The following CLEC16A variants were observed in gnomAD, a reference collection of about 807,000 sequenced individuals.
CLEC16A encodes C-type lectin domain containing 16A.
CLEC16A carries 51 observed loss-of-function variants against 109.5 expected under a neutral mutation model. The observed-to-expected ratio is 0.47, with a 90% CI of 0.37 to 0.59. The LOEUF is 0.59. Among genes scored for constraint, CLEC16A ranks in the 20% least tolerant of loss-of-function variants. CLEC16A has a pLI of 0.00. For synonymous variants in CLEC16A, 673 were observed against 564.2 expected (o/e 1.19, Z -2.73); for missense variants, 1,339 against 1,394.0 (o/e 0.96, Z 0.63).
intron 19 of CLEC16A, among the ~76,000 whole-genome samples, chr16:11,086,618 C>G (rs756594993): frequency 6.6e-6 from 1 of 152,182 alleles, no homozygotes; most frequent in South Asian, 2.1e-4. Flanking sequence ...TCTCTGCTCA[C>G]TGCAACCTCC....
At position 11,178,627 on chromosome 16, in the gene CLEC16A, C is replaced by T; in HGVS notation, c.3099C>T (p.Ala1033=). ...GMPPLSTPAA[A]CTEPVGEEAA... ...CCCCGCTGTCCACGCCGGCTGCCGC[C>T]TGCACAGAGCCCGTGGGCGAAGAGG... is the stretch of plus-strand genomic sequence containing the variant. Residue 1033 remains alanine, a synonymous_variant, in exon 24 of 24, where the codon GCC becomes GCT. Transcript: ENST00000409790. The surrounding 1 kb of genome is among the most constrained non-coding windows in gnomAD (Gnocchi z 6.5). 6.3e-7 allele frequency: 1 copy of T among 1,596,228 alleles called. No individual in the cohort carries two copies. The highest frequency in any genetic ancestry group is 8.5e-7 in the Non-Finnish European group (1 of 1,175,058).
intron 3 of CLEC16A, among the ~76,000 whole-genome samples, chr16:10,965,342 A>G (rs1013212158): frequency 2.0e-5 from 3 of 152,264 alleles, no homozygotes; most frequent in Admixed American, 2.0e-4. Context: ...TTCTAATCAC[A>G]GAAGAAAAAA....
At chr16:11,038,772 C>T (rs2047162332) in intron 13 of CLEC16A, among the ~76,000 whole-genome samples, 1 of 151,964 alleles carries the variant, frequency 6.6e-6, no homozygotes, top group Non-Finnish European at 1.5e-5. Context: ...AAAGTAATTG[C>T]GGTGTTCCAA....
At chr16:11,049,514 CAT>C (rs2047823125) in intron 17 of CLEC16A, among the ~76,000 whole-genome samples, 1 of 148,182 alleles carries the variant, frequency 6.7e-6, no homozygotes, top group African/African-American at 2.7e-5. Flanking sequence ...TTTAATCAAA[CAT>C]GTATTGTGTG....
chr16:11,070,026 G>T (rs1340075356), intron 19 of CLEC16A, among the ~76,000 whole-genome samples: 1 of 151,870 alleles, frequency 6.6e-6, no homozygotes, highest in African/African-American at 2.4e-5. Context: ...TTGTCAGGAT[G>T]TTACCTTCTC....
intron 19 of CLEC16A, among the ~76,000 whole-genome samples, chr16:11,117,373 G>C (rs1245765904): frequency 2.0e-5 from 3 of 152,118 alleles, no homozygotes; most frequent in African/African-American, 7.2e-5. Context: ...CTTCTAATCA[G>C]AGGCTTCTGT....
intron 3 of CLEC16A, among the ~76,000 whole-genome samples, chr16:10,966,774 G>C (rs934693326): frequency 9.9e-5 from 15 of 152,168 alleles, no homozygotes; most frequent in African/African-American, 3.6e-4. Context: ...CACGAGAACA[G>C]GATGGGGGAA....
intron 19 of CLEC16A, among the ~76,000 whole-genome samples, chr16:11,098,221 C>T (rs2050716500): frequency 6.6e-6 from 1 of 152,220 alleles, no homozygotes; most frequent in Non-Finnish European, 1.5e-5. Context: ...TCAGTGCCCA[C>T]CCCTCAACAG....
intron 23 of CLEC16A, among the ~76,000 whole-genome samples, chr16:11,173,764 G>A (rs545424581): frequency 6.6e-6 from 1 of 152,214 alleles, no homozygotes; most frequent in African/African-American, 2.4e-5. Flanking sequence ...CCTGACTCCT[G>A]GGCCATGTCT....
At chr16:11,067,569 G>A (rs1345071600) in intron 19 of CLEC16A, among the ~76,000 whole-genome samples, 1 of 152,184 alleles carries the variant, frequency 6.6e-6, no homozygotes, top group Non-Finnish European at 1.5e-5. Flanking sequence ...AGGAAGCCAT[G>A]CAGGCCCTGT....
chr16:11,021,713 C>A (rs2046110225), intron 12 of CLEC16A, among the ~76,000 whole-genome samples: 1 of 152,150 alleles, frequency 6.6e-6, no homozygotes, highest in African/African-American at 2.4e-5. Flanking sequence ...TGGGAGATTG[C>A]TTGAGCCAGA....
At chr16:11,039,955 G>A in intron 14 of CLEC16A, 79 bp downstream of exon 14, 3 of 1,517,364 alleles carry the variant, frequency 2.0e-6, no homozygotes, top group Non-Finnish European at 2.7e-6. Context: ...TGAGCCCTGG[G>A]TGCTAGGCCT....
Position 11,158,045 on chromosome 16 carries a change from C to T in CLEC16A, c.2642-8343C>T, listed in dbSNP as rs563436857. Among the ~76,000 whole-genome samples the T allele has an allele frequency of 3.9e-5, 6 of 152,302 alleles. No individual in the cohort carries two copies. The East Asian group carries it at 1.2e-3, about 29-fold the overall frequency. On this transcript the variant is annotated intron_variant, in intron 22 of 23. Coordinates refer to ENST00000409790, the MANE Select transcript of CLEC16A (RefSeq NM_015226.3). ...CCAGACTTAGTCACCTCCCAGCCCC[C>T]CATCTCTCGCCCCAGGGACCTGGCA... is the stretch of plus-strand genomic sequence containing the variant.
At chr16:11,013,484 G>A (rs1018505982) in intron 11 of CLEC16A, among the ~76,000 whole-genome samples, 43 of 152,124 alleles carry the variant, frequency 2.8e-4, no homozygotes, top group African/African-American at 1.0e-3. Context: ...CAAAAATGAG[G>A]CCAGGTGTGC....
At chr16:10,971,820 T>G (rs2042804771) in intron 5 of CLEC16A, among the ~76,000 whole-genome samples, 1 of 152,262 alleles carries the variant, frequency 6.6e-6, no homozygotes, top group African/African-American at 2.4e-5. Context: ...GAACTGGAAT[T>G]GCCCTTCCAA....
chr16:11,166,403 A>G lies in CLEC16A; in HGVS notation c.2657A>G (p.Gln886Arg), dbSNP rs753630326. 6.2e-7 allele frequency: 1 copy of G among 1,602,718 alleles called. No homozygotes were observed. Among genetic ancestry groups the G allele is most frequent in the Non-Finnish European group, 8.5e-7 (1 of 1,178,376 alleles). The change falls in exon 23 of 24, where the codon CAG (glutamine) becomes CGG (arginine). Residue 886 changes from glutamine to arginine, a missense_variant. Physicochemically the swap from Gln to Arg is conservative, Grantham distance 43. This residue lies in a region of CLEC16A where 1,061 missense variants were observed against 1,006.8 expected (regional missense o/e 1.05). Transcript: ENST00000409790. ...VDKVPGFAVA[Q>R]CINQHSSPSL... ...TGTCTTGCAGGCTTCGCCGTGGCCC[A>G]GTGCATAAACCAGCACAGCTCCCCG...
Position 11,141,364 on chromosome 16 carries a change from C to G in CLEC16A, c.2641+15218C>G, listed in dbSNP as rs139280962. Among the ~76,000 whole-genome samples, 850 of 152,356 alleles carry G rather than the reference C, an allele frequency of 5.6e-3. 4 individuals carry two copies. Among genetic ancestry groups the G allele is most frequent in the Non-Finnish European group, 8.6e-3 (583 of 68,032 alleles). On this transcript the variant is annotated intron_variant, in intron 22 of 23. Transcript: ENST00000409790. ...AGGCCCCCGTGCAGAGGACAGCTCA[C>G]TCACAGGAGGCAGACATGGAAAAGG...
intron 22 of CLEC16A, among the ~76,000 whole-genome samples, chr16:11,135,402 C>G (rs780787442): frequency 3.9e-4 from 59 of 152,246 alleles, no homozygotes; most frequent in Non-Finnish European, 1.2e-4. Context: ...CCCAAAGACA[C>G]TTTCCCAATA....
intron 19 of CLEC16A, among the ~76,000 whole-genome samples, chr16:11,110,764 T>C (rs1031831221): frequency 3.3e-5 from 5 of 152,166 alleles, no homozygotes; most frequent in Admixed American, 1.3e-4. Flanking sequence ...TTAAGTGTTC[T>C]TCTTATAAGG....
Sources: allele counts gnomAD v4.1 joint callset (sites outside exome capture counted in the v4.1 genomes callset), GRCh38; gene constraint gnomAD v4.1.1; regional missense constraint gnomAD v4.1.1; non-coding constraint Gnocchi (gnomAD v3.1); transcripts MANE v1.5; gene names NCBI Gene and HGNC (gene_info 2026-07-23, HGNC 2026-07-21).